Variants in HIVEP3 observed in about 807,000 individuals in gnomAD.
HIVEP3 encodes the protein transcription factor HIVEP3.
HIVEP3 carries 49 observed loss-of-function variants against 152.8 expected under a neutral mutation model. That is an observed-to-expected ratio of 0.32 (90% CI 0.26 to 0.41). The LOEUF (loss-of-function observed/expected upper bound fraction) is 0.41. Ranked by LOEUF, HIVEP3 falls within the 10% of genes least tolerant of loss-of-function variation. The pLI, the probability that HIVEP3 is intolerant of heterozygous loss-of-function variation, is 1.00. For synonymous variants in HIVEP3, 1,269 were observed against 1,289.0 expected, an observed-to-expected ratio of 0.98 and a Z score of 0.33; for missense variants, 2,790 against 3,103.3, an observed-to-expected ratio of 0.90 and a Z score of 2.40.
intron 2 of HIVEP3, among the ~76,000 whole-genome samples, chr1:41,633,872 T>C (rs964657506): frequency 1.3e-5 from 2 of 152,134 alleles, no homozygotes; most frequent in Admixed American, 1.3e-4. Flanking sequence ...GGCAAGTGAG[T>C]AATAAACTCA....
chr1:41,544,508 T>C (rs1206720127), intron 5 of HIVEP3, among the ~76,000 whole-genome samples: 2 of 151,702 alleles, frequency 1.3e-5, no homozygotes, highest in Non-Finnish European at 2.9e-5. Flanking sequence ...ATGGAATAAC[T>C]GGACAGGGAG....
chr1:41,654,186 C>T, intron 2 of HIVEP3, among the ~76,000 whole-genome samples: 1 of 152,202 alleles, frequency 6.6e-6, no homozygotes, highest in Non-Finnish European at 1.5e-5. Context: ...ATACAAAGGG[C>T]ATACTTGGCC....
intron 5 of HIVEP3, among the ~76,000 whole-genome samples, chr1:41,527,593 CTCAT>C (rs1643034763): frequency 1.4e-5 from 2 of 143,986 alleles, no homozygotes; most frequent in South Asian, 4.7e-4. Context: ...AGCACTCACA[CTCAT>C]TCGCATACTC....
chr1:41,952,803 A>G (rs1032367926), intron 1 of HIVEP3, among the ~76,000 whole-genome samples: 1 of 152,194 alleles, frequency 6.6e-6, no homozygotes, highest in Non-Finnish European at 1.5e-5. Context: ...TATTACTGAC[A>G]CCCAAAGATC....
At position 41,581,734 on chromosome 1, in the gene HIVEP3, C is replaced by T; in HGVS notation, c.3064G>A (p.Gly1022Ser). 1 of 1,606,684 alleles carries T rather than the reference C, an allele frequency of 6.2e-7. No homozygotes were observed. Among genetic ancestry groups the T allele is most frequent in the Non-Finnish European group, 8.5e-7 (1 of 1,177,250 alleles). ...GCCACTGGGGCTGGAGCAGAAGGGC[C>T]TGTCAAGGACAAGCTGCCATAGTCA... The part of the protein sequence containing the change: ...SFDYGSLSLT[G>S]PSAPAPVAPP... Residue 1022 changes from glycine to serine, a missense_variant, in exon 4 of 9, where the codon GGC becomes AGC. By Grantham distance (56) the Gly-to-Ser change is moderately conservative (BLOSUM62 0). This residue lies in a region of HIVEP3 where 1,078 missense variants were observed against 1,165.3 expected (regional missense o/e 0.93). Coordinates refer to ENST00000372583, the MANE Select transcript of HIVEP3 (RefSeq NM_024503.5). The surrounding 1 kb of genome is among the most constrained non-coding windows in gnomAD (Gnocchi z 4.5).
chr1:41,722,399 G>A (rs1271842135), intron 1 of HIVEP3, among the ~76,000 whole-genome samples: 2 of 128,508 alleles, frequency 1.6e-5, no homozygotes, highest in East Asian at 5.2e-4. Flanking sequence ...AATAAATTTG[G>A]CTGGCCTTCC....
At chr1:41,570,109 G>A (rs183306839) in intron 5 of HIVEP3, among the ~76,000 whole-genome samples, 1 of 152,152 alleles carries the variant, frequency 6.6e-6, no homozygotes, top group Admixed American at 6.5e-5. Flanking sequence ...CCTGTAGATG[G>A]TGTATAGATC....
chr1:42,016,748 C>T lies in HIVEP3; in HGVS notation n.119+19059G>A, dbSNP rs138391570. Among the ~76,000 whole-genome samples the T allele has an allele frequency of 1.5e-3, 233 of 152,264 alleles. 1 individual carries two copies. The highest frequency in any genetic ancestry group is 5.2e-3 in the African/African-American group (217 of 41,566). On this transcript the variant is annotated intron_variant and non_coding_transcript_variant, in intron 1 of 3. Transcript: ENST00000489103. Reference sequence around the variant, plus strand: ...GACTTCATCCACTGATACAGATCAACCTCATTCTTTCTACCAGACATAGTA... The same window carrying T: ...GACTTCATCCACTGATACAGATCAATCTCATTCTTTCTACCAGACATAGTA...
At chr1:41,640,320 G>A (rs965228246) in intron 2 of HIVEP3, among the ~76,000 whole-genome samples, 2 of 152,128 alleles carry the variant, frequency 1.3e-5, no homozygotes, top group Middle Eastern at 3.4e-3. Context: ...CAGTGAGGTC[G>A]CTTCCTGCTA....
At chr1:41,809,917 C>CA (rs1158892719) in intron 1 of HIVEP3, among the ~76,000 whole-genome samples, 1 of 152,180 alleles carries the variant, frequency 6.6e-6, no homozygotes, top group Non-Finnish European at 1.5e-5. Flanking sequence ...AATTACTTTT[C>CA]AATGTCTCAT....
chr1:41,678,488 G>A (rs1570293794), intron 2 of HIVEP3, among the ~76,000 whole-genome samples: 3 of 149,984 alleles, frequency 2.0e-5, no homozygotes, highest in African/African-American at 7.6e-5. Flanking sequence ...TGGGCCTAGA[G>A]AAGCAGCCTT....
rs912221876 is a variant in HIVEP3 at position 41,508,291 on chromosome 1, C to G, written c.*2160G>C. On this transcript the variant is annotated 3_prime_UTR_variant, in exon 9 of 9. Transcript: ENST00000372583. Reference sequence around the variant, plus strand: ...TCCCAGACCTCAGCCCTTGAAGTCTCCAATCCGTGGGCAGTCCCATGGGTT... The same window carrying G: ...TCCCAGACCTCAGCCCTTGAAGTCTGCAATCCGTGGGCAGTCCCATGGGTT... The G allele has an allele frequency of 3.3e-5, 5 of 152,248 alleles. No individual in the cohort carries two copies. Among genetic ancestry groups the G allele is most frequent in the African/African-American group, 1.2e-4 (5 of 41,450 alleles). The allele number at this position is 152,248 out of a possible 1,614,324, so 9.4% of individuals were successfully genotyped here.
At chr1:41,861,266 T>C (rs1343883782) in intron 1 of HIVEP3, among the ~76,000 whole-genome samples, 1 of 152,144 alleles carries the variant, frequency 6.6e-6, no homozygotes, top group Non-Finnish European at 1.5e-5. Flanking sequence ...AAATAATTCA[T>C]GGAGGCCTGT....
chr1:41,639,884 GC>G (rs1356702182), intron 2 of HIVEP3, among the ~76,000 whole-genome samples: 1 of 152,176 alleles, frequency 6.6e-6, no homozygotes, highest in Non-Finnish European at 1.5e-5. Flanking sequence ...AGAGAGACAG[GC>G]AATGGAGCCC....
At chr1:42,023,861 AAG>A (rs1457238687) in intron 1 of HIVEP3, among the ~76,000 whole-genome samples, 1 of 152,196 alleles carries the variant, frequency 6.6e-6, no homozygotes, top group East Asian at 1.9e-4. Flanking sequence ...GCATTGTGTA[AAG>A]TGATAGTCGA....
Position 41,518,283 on chromosome 1 carries a change from A to C in HIVEP3, c.5470+119T>G, listed in dbSNP as rs985265188. On this transcript the variant is annotated intron_variant, in intron 7 of 8. Transcript: ENST00000372583. ...TGAAGCTATTGGAGGGAGAGAGGGG[A>C]GGAGGGGGAATGGGGCAAAGCAGAC... The C allele has an allele frequency of 2.7e-5, 22 of 811,566 alleles. No individual in the cohort carries two copies. The Admixed American group carries it at 3.1e-4, about 11-fold the overall frequency. The allele number at this position is 811,566 out of a possible 1,614,324, so 50.3% of individuals were successfully genotyped here. A position where few individuals can be genotyped will look rare whatever the true frequency, so the allele number is the denominator to read the frequency against.
intron 1 of HIVEP3, among the ~76,000 whole-genome samples, chr1:41,713,655 C>T (rs1481754781): frequency 6.6e-6 from 1 of 152,236 alleles, no homozygotes; most frequent in Non-Finnish European, 1.5e-5. Context: ...TACTACAGTT[C>T]TTCCCACAAC....
intron 1 of HIVEP3, among the ~76,000 whole-genome samples, chr1:41,810,876 G>A (rs1311908285): frequency 6.6e-6 from 1 of 152,150 alleles, no homozygotes; most frequent in African/African-American, 2.4e-5. Flanking sequence ...TATGTGGCAT[G>A]TGGCTTATGG....
intron 3 of HIVEP3, among the ~76,000 whole-genome samples, chr1:41,609,408 T>C (rs1046370823): frequency 6.6e-6 from 1 of 152,236 alleles, no homozygotes; most frequent in Non-Finnish European, 1.5e-5. Context: ...ATGACCCGAC[T>C]GCCTAAGGGC....
Sources: allele counts gnomAD v4.1 joint callset (sites outside exome capture counted in the v4.1 genomes callset), GRCh38; gene constraint gnomAD v4.1.1; regional missense constraint gnomAD v4.1.1; non-coding constraint Gnocchi (gnomAD v3.1); transcripts MANE v1.5; gene names NCBI Gene and HGNC (gene_info 2026-07-23, HGNC 2026-07-21).